The following ESR1 variants were observed in gnomAD, a reference collection of about 807,000 sequenced individuals.
ESR1 encodes estrogen receptor 1.
In ESR1, 12 loss-of-function variants were observed where a neutral mutation model predicts 52.7. That is an observed-to-expected ratio of 0.23 (90% confidence interval 0.15 to 0.37). ESR1 has a LOEUF of 0.37. Ranked by LOEUF, ESR1 falls within the 10% of genes least tolerant of loss-of-function variation. The pLI, the probability that ESR1 is intolerant of heterozygous loss-of-function variation, is 1.00. For synonymous variants in ESR1, 305 were observed against 316.8 expected (o/e 0.96, Z 0.39); for missense variants, 584 against 779.7 (o/e 0.75, Z 2.99).
At chr6:152,113,416 C>T (rs934798591) in intron 6 of ESR1, among the ~76,000 whole-genome samples, 3 of 152,128 alleles carry the variant, frequency 2.0e-5, no homozygotes, top group Non-Finnish European at 4.4e-5. Context: ...GGGAAATGCA[C>T]TCATCTGGGA....
chr6:152,004,445 T>A (rs1478731935), intron 4 of ESR1, among the ~76,000 whole-genome samples: 1 of 151,976 alleles, frequency 6.6e-6, no homozygotes, highest in Non-Finnish European at 1.5e-5. Context: ...GTATTTAAGG[T>A]CTTGGTAAAG....
At chr6:151,687,811 C>CT (rs34562019), upstream of ESR1, among the ~76,000 whole-genome samples, 3 of 152,144 alleles carry the variant, frequency 2.0e-5, no homozygotes, top group East Asian at 5.8e-4. Flanking sequence ...TGTTGACCCT[C>CT]TTTTTTTAAA....
chr6:152,014,377 A>G (rs1384928021), intron 5 of ESR1, among the ~76,000 whole-genome samples: 3 of 151,834 alleles, frequency 2.0e-5, no homozygotes, highest in African/African-American at 7.3e-5. Context: ...ATTTCTACCT[A>G]TCTTCTGTTG....
intron 2 of ESR1, among the ~76,000 whole-genome samples, chr6:151,797,978 C>A (rs574669318): frequency 5.3e-5 from 8 of 152,292 alleles, no homozygotes; most frequent in South Asian, 2.1e-4. Context: ...CTATAAACTG[C>A]AGACTTAAAT....
chr6:151,838,340 C>A (rs1422201758), intron 1 of ESR1, among the ~76,000 whole-genome samples: 1 of 152,214 alleles, frequency 6.6e-6, no homozygotes, highest in East Asian at 1.9e-4. Context: ...TAGAGAGCAG[C>A]AGGAAGAGAG....
At chr6:151,886,346 AGG>A (rs1395281534) in intron 3 of ESR1, among the ~76,000 whole-genome samples, 4 of 152,210 alleles carry the variant, frequency 2.6e-5, no homozygotes, top group Non-Finnish European at 5.9e-5. Context: ...ATTGATGTGC[AGG>A]ACTCTTGGAC....
upstream of ESR1, among the ~76,000 whole-genome samples, chr6:151,802,746 TG>T (rs1345138139): frequency 1.3e-5 from 2 of 152,204 alleles, no homozygotes; most frequent in Non-Finnish European, 2.9e-5. Flanking sequence ...CCCAGCACTT[TG>T]GGAGGTTGAG....
chr6:152,095,682 A>T (rs1473056655), intron 7 of ESR1, among the ~76,000 whole-genome samples: 1 of 152,200 alleles, frequency 6.6e-6, no homozygotes, highest in Non-Finnish European at 1.5e-5. Context: ...CTGAGCAATA[A>T]TCTAACCTAT....
At chr6:151,806,027 T>G (rs1425125552), upstream of ESR1, among the ~76,000 whole-genome samples, 1 of 152,200 alleles carries the variant, frequency 6.6e-6, no homozygotes, top group Non-Finnish European at 1.5e-5. Flanking sequence ...TTAAGAGCCC[T>G]ATGAAGTGCT....
Position 151,790,938 on chromosome 6 carries a change from A to G in ESR1, c.-70-16905A>G, listed in dbSNP as rs75519403. Among the ~76,000 whole-genome samples the G allele has an allele frequency of 5.4e-3, 821 of 152,324 alleles. 3 individuals carry two copies. The highest frequency in any genetic ancestry group is 9.5e-3 in the Non-Finnish European group (643 of 68,024). On this transcript the variant is annotated intron_variant, in intron 2 of 2. Coordinates refer to the ESR1 transcript ENST00000404742. Reference sequence around the variant, plus strand: ...AAATTCCTGGGCATGAAAAAAACCTAACTATGTAATGTTGGATAGTGTGAG... The same window carrying G: ...AAATTCCTGGGCATGAAAAAAACCTGACTATGTAATGTTGGATAGTGTGAG...
chr6:151,799,790 A>G (rs1337056424), upstream of ESR1, among the ~76,000 whole-genome samples: 2 of 152,244 alleles, frequency 1.3e-5, no homozygotes, highest in East Asian at 3.9e-4. Flanking sequence ...GACTTGAAGC[A>G]TGAGTAGGAG....
intron 4 of ESR1, among the ~76,000 whole-genome samples, chr6:151,969,393 G>C (rs2038660324): frequency 6.6e-6 from 1 of 152,118 alleles, no homozygotes; most frequent in Non-Finnish European, 1.5e-5. Flanking sequence ...GACCAAAATG[G>C]AGTTCTATAT....
chr6:151,921,947 T>A (rs1263342886), intron 3 of ESR1, among the ~76,000 whole-genome samples: 1 of 152,212 alleles, frequency 6.6e-6, no homozygotes, highest in South Asian at 2.1e-4. Flanking sequence ...TTTAATTAGA[T>A]CCCATTTGTC....
chr6:151,792,908 C>T (rs1433060149), intron 2 of ESR1, among the ~76,000 whole-genome samples: 2 of 152,138 alleles, frequency 1.3e-5, no homozygotes, highest in African/African-American at 2.4e-5. Flanking sequence ...CGGGGGCTCA[C>T]GCCTGTAATC....
rs538366891 is a variant in ESR1 at position 152,033,480 on chromosome 6, G to A, written c.1235+21686G>A. The stretch of plus-strand genomic sequence containing the variant: ...CAAACAACACCATCAACAAATGGGC[G>A]AAGGATATGAACAGACACTTCTCAA... On this transcript the variant is annotated intron_variant, in intron 5 of 7. Coordinates refer to ENST00000206249, the MANE Select transcript of ESR1 (RefSeq NM_000125.4). Among the ~76,000 whole-genome samples, 37 of 152,266 alleles carry A rather than the reference G, an allele frequency of 2.4e-4. No homozygotes were observed. In the East Asian group the frequency reaches 5.4e-3, roughly 22 times the overall value.
At chr6:152,062,914 G>A (rs1310155473) in intron 6 of ESR1, among the ~76,000 whole-genome samples, 2 of 152,108 alleles carry the variant, frequency 1.3e-5, no homozygotes, top group East Asian at 3.8e-4. Context: ...CTGCATTATT[G>A]TTTTGTTTCT....
At chr6:151,984,547 C>T (rs2040278558) in intron 4 of ESR1, among the ~76,000 whole-genome samples, 1 of 152,124 alleles carries the variant, frequency 6.6e-6, no homozygotes, top group African/African-American at 2.4e-5. Context: ...TTATTATACA[C>T]TAGCTGTGTC....
At chr6:151,834,097 G>C (rs1456194884) in intron 1 of ESR1, among the ~76,000 whole-genome samples, 2 of 152,194 alleles carry the variant, frequency 1.3e-5, no homozygotes. Flanking sequence ...TACACTGTTG[G>C]TGGGAGTGTA....
intron 2 of ESR1, among the ~76,000 whole-genome samples, chr6:151,778,276 T>C (rs1343032280): frequency 1.3e-5 from 2 of 150,774 alleles, no homozygotes; most frequent in Non-Finnish European, 3.0e-5. Context: ...GGGTACAACA[T>C]TTCTGTTTGG....
Sources: allele counts gnomAD v4.1 joint callset (sites outside exome capture counted in the v4.1 genomes callset), GRCh38; gene constraint gnomAD v4.1.1; transcripts MANE v1.5; gene names NCBI Gene and HGNC (gene_info 2026-07-23, HGNC 2026-07-21).